The following PDS5A variants were observed in gnomAD, a reference collection of about 807,000 sequenced individuals.
The protein encoded by PDS5A is sister chromatid cohesion protein PDS5 homolog A.
A neutral mutation model predicts 167.1 loss-of-function variants in PDS5A; 42 were observed. The ratio of observed to expected loss-of-function variants is 0.25; its 90% CI spans 0.20 to 0.33. The LOEUF (loss-of-function observed/expected upper bound fraction) is 0.33. Ranked by LOEUF, PDS5A falls within the 10% of genes least tolerant of loss-of-function variation. PDS5A has a pLI of 1.00. For synonymous variants in PDS5A, 553 were observed against 554.6 expected, an observed-to-expected ratio of 1.00 and a Z score of 0.04; for missense variants, 1,033 against 1,605.9, an observed-to-expected ratio of 0.64 and a Z score of 6.10.
chr4:39,922,571 T>A, intron 6 of PDS5A, 51 bp downstream of exon 6: 1 of 1,430,390 alleles, frequency 7.0e-7, no homozygotes, highest in South Asian at 1.7e-5. Context: ...CATTCTTATG[T>A]GTGGCGTGAC....
At chr4:39,886,106 C>T (rs1721450416) in intron 17 of PDS5A, among the ~76,000 whole-genome samples, 1 of 152,168 alleles carries the variant, frequency 6.6e-6, no homozygotes, top group Non-Finnish European at 1.5e-5. Flanking sequence ...TTCTTGACAC[C>T]TCTGTCAGAA....
Position 39,862,961 on chromosome 4 carries a change from G to A in PDS5A, c.2879C>T (p.Pro960Leu), listed in dbSNP as rs1295480045. The A allele has an allele frequency of 6.2e-7, 1 of 1,613,360 alleles. No homozygotes were observed. Among genetic ancestry groups the A allele is most frequent in the Non-Finnish European group, 8.5e-7 (1 of 1,179,590 alleles). ...MAIFALCAKD[P>L]VKERRAHARQ... ...TGCGTGTGCTCTTCTCTCCTTCACA[G>A]GATCTTTGGCACACAAGGCAAAGAT... is the stretch of plus-strand genomic sequence containing the variant. Residue 960 changes from proline (P) to leucine (L), a missense_variant, in exon 25 of 33, where the codon CCT (proline) becomes CTT (leucine). Pro to Leu is a moderately conservative substitution (Grantham distance 98). Transcript: ENST00000303538.
chr4:39,838,479 T>G (rs184904139), intron 31 of PDS5A, among the ~76,000 whole-genome samples: 19 of 152,264 alleles, frequency 1.2e-4, no homozygotes, highest in African/African-American at 4.3e-4. Flanking sequence ...CGCAGCACTT[T>G]AGGAGGCTAA....
chr4:39,924,349 A>C (rs1333761956), intron 5 of PDS5A, among the ~76,000 whole-genome samples: 1 of 152,224 alleles, frequency 6.6e-6, no homozygotes, highest in Admixed American at 6.5e-5. Context: ...AATGCAGCAA[A>C]AGCTAACAAA....
chr4:39,885,967 A>AG (rs1721433196), intron 17 of PDS5A, among the ~76,000 whole-genome samples: 1 of 152,128 alleles, frequency 6.6e-6, no homozygotes, highest in African/African-American at 2.4e-5. Context: ...AAAAAGAGAA[A>AG]GAAAAAAAAG....
intron 9 of PDS5A, among the ~76,000 whole-genome samples, chr4:39,912,116 G>C (rs965762342): frequency 3.3e-5 from 5 of 152,026 alleles, no homozygotes; most frequent in Admixed American, 6.6e-5. Flanking sequence ...TAATTCTCTG[G>C]CTGGCAGAGA....
chr4:39,968,214 A>G (rs1167068701), intron 2 of PDS5A, among the ~76,000 whole-genome samples: 1 of 151,956 alleles, frequency 6.6e-6, no homozygotes, highest in African/African-American at 2.4e-5. Context: ...TCAGCCTCCC[A>G]AAGTGCTGGA....
chr4:39,972,364 A>C (rs1730633010), intron 2 of PDS5A, among the ~76,000 whole-genome samples: 1 of 152,142 alleles, frequency 6.6e-6, no homozygotes, highest in African/African-American at 2.4e-5. Flanking sequence ...TACTAAAAAT[A>C]CAAAAATTAG....
chr4:39,886,709 A>G (rs149625790), intron 17 of PDS5A, among the ~76,000 whole-genome samples: 10,786 of 151,614 alleles, frequency 0.071, 482 homozygotes, highest in Non-Finnish European at 0.1. Context: ...GTGAAACACC[A>G]TCTCAAAAAA....
intron 2 of PDS5A, among the ~76,000 whole-genome samples, chr4:39,966,274 A>G (rs936118932): frequency 3.9e-5 from 6 of 152,228 alleles, no homozygotes; most frequent in African/African-American, 9.6e-5. Context: ...AAAATCATTC[A>G]TGGAAGTAAA....
At chr4:39,828,733 CTG>C (rs969709209) in intron 32 of PDS5A, among the ~76,000 whole-genome samples, 1 of 152,150 alleles carries the variant, frequency 6.6e-6, no homozygotes, top group Non-Finnish European at 1.5e-5. Flanking sequence ...AAGTACCACT[CTG>C]GGGTGGGATT....
At chr4:39,956,133 C>A (rs1435194136) in intron 2 of PDS5A, among the ~76,000 whole-genome samples, 1 of 149,900 alleles carries the variant, frequency 6.7e-6, no homozygotes, top group East Asian at 2.0e-4. Flanking sequence ...AAAAAAAGAA[C>A]AATTTTAAAA....
At chr4:39,874,910 A>T (rs1468457850) in intron 19 of PDS5A, among the ~76,000 whole-genome samples, 2 of 152,226 alleles carry the variant, frequency 1.3e-5, no homozygotes, top group East Asian at 3.8e-4. Flanking sequence ...CAATAAAAAT[A>T]TCTAACTATT....
chr4:39,927,010 T>C (rs1725536375), intron 3 of PDS5A, 149 bp from the exon 4 acceptor site: 1 of 575,094 alleles, frequency 1.7e-6, no homozygotes, highest in Non-Finnish European at 2.6e-6. Context: ...TAATCCATTA[T>C]TCAAAATGAT....
At chr4:39,844,839 C>T (rs761367678) in intron 29 of PDS5A, 38 bp from the exon 30 acceptor site, 77 of 1,565,994 alleles carry the variant, frequency 4.9e-5, no homozygotes, top group South Asian at 1.1e-4. Flanking sequence ...AAAACACACA[C>T]GTTTATACCT....
At chr4:39,922,896 A>G in intron 5 of PDS5A, 148 bp from the exon 6 acceptor site, 1 of 980,972 alleles carries the variant, frequency 1.0e-6, no homozygotes. Flanking sequence ...ATAATGGCAG[A>G]GAAATTTTGG....
intron 32 of PDS5A, among the ~76,000 whole-genome samples, chr4:39,830,718 C>A (rs2109466247): frequency 6.6e-6 from 1 of 152,352 alleles, no homozygotes; most frequent in Non-Finnish European, 1.5e-5. Context: ...AGCCACCATG[C>A]CCAGCCCATT....
intron 2 of PDS5A, among the ~76,000 whole-genome samples, chr4:39,950,699 T>TGCC (rs988829186): frequency 3.3e-5 from 5 of 152,138 alleles, no homozygotes; most frequent in African/African-American, 1.2e-4. Context: ...AAGATTCTCC[T>TGCC]GCCTCAGCCT....
intron 20 of PDS5A, 59 bp downstream of exon 20, chr4:39,874,230 A>C: frequency 6.9e-7 from 1 of 1,451,098 alleles, no homozygotes; most frequent in East Asian, 2.3e-5. Context: ...CATCTTCATC[A>C]AACTATAGAG....
Sources: allele counts gnomAD v4.1 joint callset (sites outside exome capture counted in the v4.1 genomes callset), GRCh38; gene constraint gnomAD v4.1.1; transcripts MANE v1.5; gene names NCBI Gene and HGNC (gene_info 2026-07-23, HGNC 2026-07-21).